Variants in SHANK2 observed in about 807,000 individuals in gnomAD.
SHANK2 encodes the protein SH3 and multiple ankyrin repeat domains protein 2.
SHANK2 carries 43 observed loss-of-function variants against 133.7 expected under a neutral mutation model. That is an observed-to-expected ratio of 0.32 (90% confidence interval 0.25 to 0.41). The LOEUF (loss-of-function observed/expected upper bound fraction) is 0.41. SHANK2 is among the 10% of genes least tolerant of loss of function. The pLI is 1.00. For synonymous variants in SHANK2, 1,017 were observed against 952.8 expected (o/e 1.07, Z -1.24); for missense variants, 1,994 against 2,235.8 (o/e 0.89, Z 2.18).
In SHANK2 at chr11:71,184,455, G is replaced by A. The variant is rs1421698405; in HGVS notation, c.-12-37117C>T. 2.6e-5 allele frequency among the ~76,000 whole-genome samples: 4 copies of A among 152,180 alleles called. No individual in the cohort carries two copies. In the South Asian group the frequency reaches 8.3e-4, roughly 32 times the overall value. ...CTTGATTCAGAGTTTGCCCCTGAAT[G>A]TCGGGGCTGGGTTCACTGATGGTTC... On this transcript the variant is annotated intron_variant, in intron 2 of 25. Transcript: ENST00000601538.
At chr11:70,761,328 G>A (rs1341070527) in intron 14 of SHANK2, among the ~76,000 whole-genome samples, 14 of 152,278 alleles carry the variant, frequency 9.2e-5, no homozygotes, top group African/African-American at 2.6e-4. Flanking sequence ...TAGCGAGGAG[G>A]TGTCCATGAG....
chr11:71,095,241 C>T (rs1951587943), intron 6 of SHANK2, among the ~76,000 whole-genome samples: 1 of 152,196 alleles, frequency 6.6e-6, no homozygotes, highest in Non-Finnish European at 1.5e-5. Flanking sequence ...CGCAGGATGA[C>T]CCAGGAGGCA....
rs183576259 is a variant in SHANK2, at chr11:70,643,299, C to T, written c.2061+16529G>A. The stretch of plus-strand genomic sequence containing the variant: ...AAAGCAGAGGCCGGGTGCGGTGGCT[C>T]ACACCTGTAATCCCAGCACTTTGGG... On this transcript the variant is annotated intron_variant, in intron 17 of 25. Coordinates refer to ENST00000601538, the MANE Select transcript of SHANK2 (RefSeq NM_012309.5). Among the ~76,000 whole-genome samples, 315 of 152,214 alleles carry T rather than the reference C, an allele frequency of 2.1e-3. 1 individual carries two copies. The highest frequency in any genetic ancestry group is 7.3e-3 in the African/African-American group (304 of 41,538).
intron 24 of SHANK2, among the ~76,000 whole-genome samples, chr11:70,488,472 C>T (rs2058843094): frequency 6.6e-6 from 1 of 152,158 alleles, no homozygotes; most frequent in Non-Finnish European, 1.5e-5. Context: ...TTCACTGGGC[C>T]CCACTAAGGG....
At chr11:71,121,411 GT>G (rs1555101460) in intron 3 of SHANK2, among the ~76,000 whole-genome samples, 1 of 152,242 alleles carries the variant, frequency 6.6e-6, no homozygotes, top group Non-Finnish European at 1.5e-5. Flanking sequence ...CAGGAGCAGG[GT>G]GGACCCTAAT....
chr11:71,089,132 A>C (rs1245606868), intron 8 of SHANK2, among the ~76,000 whole-genome samples: 2 of 152,228 alleles, frequency 1.3e-5, no homozygotes, highest in Non-Finnish European at 2.9e-5. Context: ...TTTTCCAAGC[A>C]GGTCACCTTG....
chr11:70,481,867 A>C (rs1202816695), intron 25 of SHANK2, among the ~76,000 whole-genome samples: 2 of 152,262 alleles, frequency 1.3e-5, no homozygotes, highest in Admixed American at 1.3e-4. Flanking sequence ...GACCACGCCC[A>C]GCAAAGGAGA....
At chr11:71,138,802 A>G (rs574177964) in intron 3 of SHANK2, among the ~76,000 whole-genome samples, 9 of 141,892 alleles carry the variant, frequency 6.3e-5, no homozygotes, top group South Asian at 2.1e-4. Flanking sequence ...AAAAAAAAAA[A>G]AAAAAGAAAA....
intron 15 of SHANK2, among the ~76,000 whole-genome samples, chr11:70,676,611 CT>C (rs2134359372): frequency 6.6e-6 from 1 of 152,346 alleles, no homozygotes; most frequent in Admixed American, 6.5e-5. Flanking sequence ...TTTTTTATTA[CT>C]TGCAGCCAAA....
At chr11:70,591,737 C>T (rs550818906) in intron 17 of SHANK2, among the ~76,000 whole-genome samples, 2 of 152,222 alleles carry the variant, frequency 1.3e-5, no homozygotes, top group South Asian at 4.1e-4. Context: ...GAGATGTGGG[C>T]CGGGCGCGGT....
chr11:70,928,749 G>A (rs1002922399), intron 10 of SHANK2, among the ~76,000 whole-genome samples: 1 of 152,150 alleles, frequency 6.6e-6, no homozygotes, highest in African/African-American at 2.4e-5. Flanking sequence ...CACTGATAAA[G>A]GTGCCTAGGG....
At chr11:70,884,658 C>T (rs1387935168) in intron 11 of SHANK2, among the ~76,000 whole-genome samples, 1 of 152,258 alleles carries the variant, frequency 6.6e-6, no homozygotes, top group Non-Finnish European at 1.5e-5. Context: ...CGGTCCCCCC[C>T]ACCGAGTGTT....
At chr11:70,792,195 TCAAC>T (rs148250082) in intron 14 of SHANK2, among the ~76,000 whole-genome samples, 2 of 144,990 alleles carry the variant, frequency 1.4e-5, no homozygotes, top group Non-Finnish European at 3.0e-5. Flanking sequence ...AGACAGCTAA[TCAAC>T]CAACCAACCA....
Position 70,612,352 on chromosome 11 carries a change from C to A in SHANK2, c.2061+47476G>T, listed in dbSNP as rs149360269. ...CAGAGGCAAGATGAACAAGCACCTG[C>A]CATTTACCTGATAGCAGCTGCATCT... On this transcript the variant is annotated intron_variant, in intron 17 of 25. Coordinates refer to ENST00000601538, the MANE Select transcript of SHANK2 (RefSeq NM_012309.5). Among the ~76,000 whole-genome samples the A allele has an allele frequency of 2.0e-4, 30 of 152,262 alleles. No homozygotes were observed. The East Asian group carries it at 5.8e-3, about 29-fold the overall frequency.
intron 1 of SHANK2, among the ~76,000 whole-genome samples, chr11:71,250,127 T>TGGG (rs78908394): frequency 2.0e-5 from 3 of 151,302 alleles, no homozygotes; most frequent in African/African-American, 7.3e-5. Context: ...TCCCCGGGGG[T>TGGG]GGGGGGGAAT....
chr11:71,108,756 G>A lies in SHANK2; in HGVS notation c.592+1185C>T, dbSNP rs140648800. 2.3e-3 allele frequency among the ~76,000 whole-genome samples: 345 copies of A among 152,278 alleles called. 2 individuals are homozygous for A. Among genetic ancestry groups the A allele is most frequent in the African/African-American group, 8.0e-3 (333 of 41,566 alleles). ...GGGCACTCTGTCCCCTCTGAGCCTC[G>A]CTCATGCAGTCCTGCCTCCCAACGT... On this transcript the variant is annotated intron_variant, in intron 6 of 25. Coordinates refer to ENST00000601538, the MANE Select transcript of SHANK2 (RefSeq NM_012309.5).
At chr11:70,641,628 C>T (rs1202721975) in intron 17 of SHANK2, among the ~76,000 whole-genome samples, 1 of 152,218 alleles carries the variant, frequency 6.6e-6, no homozygotes, top group Non-Finnish European at 1.5e-5. Flanking sequence ...GCCCGGTGAC[C>T]TGGGCATCTG....
intron 16 of SHANK2, among the ~76,000 whole-genome samples, chr11:70,661,381 CG>C (rs2061485463): frequency 6.6e-6 from 1 of 152,170 alleles, no homozygotes; most frequent in Non-Finnish European, 1.5e-5. Context: ...GAAGCCCTAA[CG>C]TTTTCTGAGT....
chr11:70,863,214 G>A, intron 11 of SHANK2: 1 of 412,238 alleles, frequency 2.4e-6, no homozygotes, highest in Middle Eastern at 7.4e-4. Flanking sequence ...GTTGGCCTGG[G>A]TTGAGTGGCC....
Sources: gnomAD v4.1 joint callset for allele counts (sites outside exome capture counted in the v4.1 genomes callset) on GRCh38, gnomAD v4.1.1 for gene constraint, MANE v1.5 for transcripts, NCBI Gene and HGNC (gene_info 2026-07-23, HGNC 2026-07-21) for gene names.